Variants in PCDHGC4 observed in about 807,000 individuals in gnomAD.
PCDHGC4 encodes the protein protocadherin gamma-C4.
In PCDHGC4, 15 loss-of-function variants were observed where a neutral mutation model predicts 59.7. The ratio of observed to expected loss-of-function variants is 0.25; its 90% CI spans 0.17 to 0.39. The LOEUF is 0.39. PCDHGC4 is among the 10% of genes least tolerant of loss of function. The pLI, the probability that PCDHGC4 is intolerant of heterozygous loss-of-function variation, is 1.00. For synonymous variants in PCDHGC4, 434 were observed against 481.4 expected, an observed-to-expected ratio of 0.90 and a Z score of 1.29; for missense variants, 1,016 against 1,189.5, an observed-to-expected ratio of 0.85 and a Z score of 2.15.
At position 141,487,543 on chromosome 5, in the gene PCDHGC4, A is replaced by G. The variant is rs2099649285; in HGVS notation, c.2370A>G (p.Ser790=). Residue 790 remains serine (S), a synonymous_variant, in exon 1 of 4, where the codon TCA becomes TCG. Coordinates refer to ENST00000306593, the MANE Select transcript of PCDHGC4 (RefSeq NM_018928.3). This position sits in a 1 kb window ranked among gnomAD's most constrained non-coding sequence, Gnocchi z 5.0. ...TRSDSFMMVK[S]PSAPMAGEPV... is the part of the protein sequence containing the mutation. ...GTGATAGCTTCATGATGGTGAAGTC[A>G]CCCAGTGCACCTATGGCAGGGGAGC... is the stretch of plus-strand genomic sequence containing the variant. The G allele has an allele frequency of 3.7e-6, 6 of 1,614,114 alleles. No homozygotes were observed. In the South Asian group the frequency reaches 5.5e-5, roughly 15 times the overall value.
chr5:141,503,763 T>C (rs1014883264), intron 2 of PCDHGC4, among the ~76,000 whole-genome samples: 1 of 152,174 alleles, frequency 6.6e-6, no homozygotes, highest in Non-Finnish European at 1.5e-5. Context: ...ATGGCAGCCT[T>C]GTGTCTGTTC....
Position 141,511,039 on chromosome 5 carries a change from C to T in PCDHGC4, c.2683C>T (p.Pro895Ser). 1 of 1,614,196 alleles carries T rather than the reference C, an allele frequency of 6.2e-7. No homozygotes were observed. ...YGPQFTLQHV[P>S]DYRQNVYIPG... ...ACCCCAGTTCACCCTGCAGCACGTGCCCGACTACCGCCAGAATGTCTACAT... is the reference window on the plus strand; with the variant it reads ...ACCCCAGTTCACCCTGCAGCACGTGTCCGACTACCGCCAGAATGTCTACAT... The change falls in exon 4 of 4, where the codon CCC (proline) becomes TCC (serine). Residue 895 changes from proline (P) to serine (S), a missense_variant. Physicochemically the swap from Pro to Ser is moderately conservative, Grantham distance 74. Coordinates refer to ENST00000306593, the MANE Select transcript of PCDHGC4 (RefSeq NM_018928.3).
Position 141,490,440 on chromosome 5 carries a change from T to G in PCDHGC4, c.2442+2825T>G, listed in dbSNP as rs560525159. The G allele has an allele frequency of 6.2e-7, 1 of 1,614,206 alleles. No individual in the cohort carries two copies. The highest frequency in any genetic ancestry group is 1.7e-5 in the Admixed American group (1 of 60,026). On this transcript the variant is annotated intron_variant, in intron 1 of 3. Transcript: ENST00000306593. This position sits in a 1 kb window ranked among gnomAD's most constrained non-coding sequence, Gnocchi z 5.4. ...ACCTGCCATTTCAGATTAAGCCTTCTGAGAACCACTACTCGCTGCTAACCA... is the reference window on the plus strand; with the variant it reads ...ACCTGCCATTTCAGATTAAGCCTTCGGAGAACCACTACTCGCTGCTAACCA...
chr5:141,507,901 G>T (rs1332204823), intron 3 of PCDHGC4, among the ~76,000 whole-genome samples: 1 of 152,216 alleles, frequency 6.6e-6, no homozygotes, highest in Non-Finnish European at 1.5e-5. Flanking sequence ...CTGAAGTCCA[G>T]CCCAGCCAGG....
At chr5:141,492,009 G>C in intron 1 of PCDHGC4, 1 of 617,702 alleles carries the variant, frequency 1.6e-6, no homozygotes, top group Non-Finnish European at 2.7e-6. Flanking sequence ...GATTTCCGCG[G>C]GTGTCGGGGG....
chr5:141,490,288 G>T lies in PCDHGC4; in HGVS notation c.2442+2673G>T, dbSNP rs2099698282. 1.2e-6 allele frequency: 2 copies of T among 1,614,080 alleles called. No homozygotes were observed. Among genetic ancestry groups the T allele is most frequent in the South Asian group, 1.1e-5 (1 of 91,092 alleles). On this transcript the variant is annotated intron_variant, in intron 1 of 3. Transcript: ENST00000306593. This position sits in a 1 kb window ranked among gnomAD's most constrained non-coding sequence, Gnocchi z 5.4. ...GGATGTCAATGACAATGCCCCAGAG[G>T]TGCTATTGGCCTCTTTGGCCAACCC...
chr5:141,489,427 C>T lies in PCDHGC4; in HGVS notation c.2442+1812C>T, dbSNP rs370540900. 83 of 1,613,990 alleles carry T rather than the reference C, an allele frequency of 5.1e-5. No individual in the cohort carries two copies. The highest frequency in any genetic ancestry group is 8.3e-5 in the Admixed American group (5 of 59,996). On this transcript the variant is annotated intron_variant, in intron 1 of 3. Transcript: ENST00000306593. The surrounding 1 kb of genome is among the most constrained non-coding windows in gnomAD (Gnocchi z 4.5). ...AAAGATGACAGATCTGTTGAGCCGGCGGCTGCAATTGGGCTCTGAGGAGAA... is the reference window on the plus strand; with the variant it reads ...AAAGATGACAGATCTGTTGAGCCGGTGGCTGCAATTGGGCTCTGAGGAGAA...
chr5:141,501,945 T>C (rs1318749969), intron 2 of PCDHGC4, among the ~76,000 whole-genome samples: 1 of 152,106 alleles, frequency 6.6e-6, no homozygotes, highest in Non-Finnish European at 1.5e-5. Context: ...CACTGCTCCC[T>C]GTGACAGGTC....
At chr5:141,492,954 A>G (rs2099745299) in intron 1 of PCDHGC4, among the ~76,000 whole-genome samples, 1 of 152,212 alleles carries the variant, frequency 6.6e-6, no homozygotes, top group Non-Finnish European at 1.5e-5. Context: ...TGACCAAACT[A>G]TCTGACACTC....
chr5:141,497,885 A>T (rs1469477968), intron 2 of PCDHGC4, among the ~76,000 whole-genome samples: 1 of 152,166 alleles, frequency 6.6e-6, no homozygotes, highest in Non-Finnish European at 1.5e-5. Flanking sequence ...AAGCGTTAGG[A>T]TCTAGTCCAG....
intron 2 of PCDHGC4, among the ~76,000 whole-genome samples, chr5:141,495,758 C>T (rs2099763543): frequency 6.6e-6 from 1 of 152,122 alleles, no homozygotes; most frequent in Non-Finnish European, 1.5e-5. Flanking sequence ...ATCTCTGCCT[C>T]CCTGTCCTTG....
chr5:141,500,184 T>TTTTA (rs58019021), intron 2 of PCDHGC4, among the ~76,000 whole-genome samples: 28,743 of 135,782 alleles, frequency 0.21, 3,285 homozygotes, highest in African/African-American at 0.3. Context: ...TCATTTTTAT[T>TTTTA]TTTATTTATT....
rs748828282 is a variant in PCDHGC4 at position 141,491,412 on chromosome 5, C to T, written c.2443-3395C>T. The T allele has an allele frequency of 3.1e-6, 5 of 1,613,944 alleles. No homozygotes were observed. The African/African-American group carries it at 5.3e-5, about 17-fold the overall frequency. Reference sequence around the variant, plus strand: ...GCCTTCAGGGAAACGCAGACGGGGACGGGGGTGGAGGGCAGTGCTGCAGGC... The same window carrying T: ...GCCTTCAGGGAAACGCAGACGGGGATGGGGGTGGAGGGCAGTGCTGCAGGC... On this transcript the variant is annotated intron_variant, in intron 1 of 3. Coordinates refer to ENST00000306593, the MANE Select transcript of PCDHGC4 (RefSeq NM_018928.3). The surrounding 1 kb of genome is among the most constrained non-coding windows in gnomAD (Gnocchi z 6.9).
rs1001412632 is a variant in PCDHGC4, at chr5:141,493,097, A to G, written c.2443-1710A>G. On this transcript the variant is annotated intron_variant, in intron 1 of 3. Transcript: ENST00000306593. The surrounding 1 kb of genome is among the most constrained non-coding windows in gnomAD (Gnocchi z 4.3). ...AACTCCAGGAGCTTTTATTCAAAAT[A>G]TATCAATGCCTAACTCTGCTCCTAG... Among the ~76,000 whole-genome samples, 1 of 152,224 alleles carries G rather than the reference A, an allele frequency of 6.6e-6. No homozygotes were observed. The highest frequency in any genetic ancestry group is 2.4e-5 in the African/African-American group (1 of 41,456).
intron 2 of PCDHGC4, among the ~76,000 whole-genome samples, chr5:141,497,980 G>A (rs983045402): frequency 2.0e-5 from 3 of 152,168 alleles, no homozygotes; most frequent in African/African-American, 7.2e-5. Context: ...GATGTGGGAG[G>A]CCCCTGCCCT....
Position 141,487,315 on chromosome 5 carries a change from G to C in PCDHGC4, c.2142G>C (p.Lys714Asn), listed in dbSNP as rs568326280. Residue 714 changes from lysine to asparagine, a missense_variant, in exon 1 of 4, where the codon AAG becomes AAC. Transcript: ENST00000306593. The surrounding 1 kb of genome is among the most constrained non-coding windows in gnomAD (Gnocchi z 5.0). ...GCTCATTCGTGGCACTACTCTCTAA[G>C]TGTCTTCGTGGGGCAGCCTGTGGAG... ...SFGSFVALLS[K>N]CLRGAACGVT... 6.2e-7 allele frequency: 1 copy of C among 1,614,166 alleles called. No individual in the cohort carries two copies. Among genetic ancestry groups the C allele is most frequent in the Admixed American group, 1.7e-5 (1 of 60,028 alleles).
At position 141,490,003 on chromosome 5, in the gene PCDHGC4, G is replaced by A. The variant is rs2099694760; in HGVS notation, c.2442+2388G>A. On this transcript the variant is annotated intron_variant, in intron 1 of 3. Transcript: ENST00000306593. This position sits in a 1 kb window ranked among gnomAD's most constrained non-coding sequence, Gnocchi z 5.4. ...TCTACGTGTGGGAATCCCAGAGAAT[G>A]CACCCATTGGTACTCTGCTGCTCCG... 6.2e-7 allele frequency: 1 copy of A among 1,614,204 alleles called. No homozygotes were observed. Among genetic ancestry groups the A allele is most frequent in the Non-Finnish European group, 8.5e-7 (1 of 1,180,008 alleles).
Position 141,489,417 on chromosome 5 carries a change from G to A in PCDHGC4, c.2442+1802G>A, listed in dbSNP as rs1020232739. On this transcript the variant is annotated intron_variant, in intron 1 of 3. Coordinates refer to ENST00000306593, the MANE Select transcript of PCDHGC4 (RefSeq NM_018928.3). This position sits in a 1 kb window ranked among gnomAD's most constrained non-coding sequence, Gnocchi z 4.5. ...ATCTGGGCTTAAAGATGACAGATCT[G>A]TTGAGCCGGCGGCTGCAATTGGGCT... The A allele has an allele frequency of 1.2e-6, 2 of 1,614,172 alleles. No individual in the cohort carries two copies. The highest frequency in any genetic ancestry group is 3.3e-5 in the Admixed American group (2 of 60,030).
At chr5:141,498,679 C>T (rs1454800332) in intron 2 of PCDHGC4, among the ~76,000 whole-genome samples, 1 of 152,170 alleles carries the variant, frequency 6.6e-6, no homozygotes, top group African/African-American at 2.4e-5. Flanking sequence ...CGCCTGTAAT[C>T]CCAGCACTTT....
Sources: gnomAD v4.1 joint callset for allele counts (sites outside exome capture counted in the v4.1 genomes callset) on GRCh38, gnomAD v4.1.1 for gene constraint, Gnocchi (gnomAD v3.1) non-coding constraint, MANE v1.5 for transcripts, NCBI Gene and HGNC (gene_info 2026-07-23, HGNC 2026-07-21) for gene names.